The following PRELID2 variants were observed in gnomAD, a reference collection of about 807,000 sequenced individuals.
PRELID2 encodes PRELI domain-containing protein 2.
A neutral mutation model predicts 28.4 loss-of-function variants in PRELID2; 25 were observed. That is an observed-to-expected ratio of 0.88 (90% CI 0.64 to 1.23). The LOEUF (loss-of-function observed/expected upper bound fraction) is 1.23, where lower values mean the gene tolerates loss of function less well. Ranked by LOEUF, PRELID2 falls within the 50% of genes most tolerant of loss-of-function variation. The pLI is 0.00. For synonymous variants in PRELID2, 76 were observed against 71.6 expected (o/e 1.06, Z -0.31); for missense variants, 201 against 214.4 (o/e 0.94, Z 0.39).
In PRELID2 at chr5:145,705,939, TACACACAC is replaced by T. The variant is rs61283424; in HGVS notation, n.70+58984_70+58991del. On this transcript the variant is annotated intron_variant and non_coding_transcript_variant, in intron 1 of 2. Transcript: ENST00000510259. ...CACCACCCATGCACACATGTGCGCC[TACACACAC>T]ACACACACACACACACACACACACT... Among the ~76,000 whole-genome samples, 37 of 145,602 alleles carry T rather than the reference TACACACAC, an allele frequency of 2.5e-4. No individual in the cohort carries two copies. In the East Asian group the frequency reaches 2.6e-3, roughly 10 times the overall value.
At chr5:145,600,837 A>G (rs1299337257) in intron 1 of PRELID2, among the ~76,000 whole-genome samples, 7 of 152,172 alleles carry the variant, frequency 4.6e-5, no homozygotes, top group Admixed American at 2.6e-4. Flanking sequence ...AAATGTTTAA[A>G]GAAACAAAAA....
downstream of PRELID2, among the ~76,000 whole-genome samples, chr5:145,752,450 G>T (rs1426285774): frequency 6.6e-6 from 1 of 152,154 alleles, no homozygotes; most frequent in Admixed American, 6.5e-5. Flanking sequence ...AGGTCTTTAT[G>T]TCCAATCACC....
intron 1 of PRELID2, among the ~76,000 whole-genome samples, chr5:145,740,314 AT>A (rs1756631163): frequency 5.7e-5 from 6 of 105,914 alleles, no homozygotes; most frequent in Non-Finnish European, 9.4e-5. Context: ...ATATATATAT[AT>A]ATATAAATCC....
intron 1 of PRELID2, among the ~76,000 whole-genome samples, chr5:145,491,715 C>G (rs945084958): frequency 2.0e-5 from 3 of 151,854 alleles, no homozygotes; most frequent in African/African-American, 7.3e-5. Context: ...CCCAGTACCC[C>G]CTGACCCTGG....
chr5:145,731,191 G>A (rs1268564785), intron 1 of PRELID2, among the ~76,000 whole-genome samples: 1 of 152,168 alleles, frequency 6.6e-6, no homozygotes, highest in African/African-American at 2.4e-5. Flanking sequence ...ATTTCACAGG[G>A]GAAATTATCT....
At chr5:145,351,592 CT>C in the PRELID2 span, among the ~76,000 whole-genome samples, 1 of 152,050 alleles carries the variant, frequency 6.6e-6, no homozygotes, top group Non-Finnish European at 1.5e-5. Context: ...TTATTCCACC[CT>C]TTTCCCCTCC....
At chr5:145,817,220 A>ATATATATATATATATATAT (rs1265574987) in intron 4 of PRELID2, among the ~76,000 whole-genome samples, 17 of 66,498 alleles carry the variant, frequency 2.6e-4, no homozygotes, top group African/African-American at 6.5e-4. Context: ...AATAAAAAAA[A>ATATATATATATATATATAT]ATATATATAT....
chr5:145,405,811 A>G, the PRELID2 span, among the ~76,000 whole-genome samples: 7,890 of 149,800 alleles, frequency 0.053, 299 homozygotes, highest in East Asian at 0.12. Context: ...GTTCATGCCA[A>G]TCTCCTGACT....
At chr5:145,699,688 C>G (rs1039796862) in intron 1 of PRELID2, among the ~76,000 whole-genome samples, 1 of 152,136 alleles carries the variant, frequency 6.6e-6, no homozygotes, top group Non-Finnish European at 1.5e-5. Flanking sequence ...ATTTCCAAAT[C>G]CAAAGAGAAG....
chr5:145,717,036 A>T (rs999629483), intron 1 of PRELID2, among the ~76,000 whole-genome samples: 8 of 152,182 alleles, frequency 5.3e-5, no homozygotes, highest in Non-Finnish European at 8.8e-5. Flanking sequence ...TACTGCTATT[A>T]AAAATAAGTA....
intron 1 of PRELID2, among the ~76,000 whole-genome samples, chr5:145,623,928 A>G (rs1223101715): frequency 6.6e-6 from 1 of 152,158 alleles, no homozygotes; most frequent in Admixed American, 6.6e-5. Flanking sequence ...GACTGCCTTC[A>G]TTTCAGATGC....
rs573680608 is a variant in PRELID2, at chr5:145,792,741, A to G, written c.474+3701T>C. Among the ~76,000 whole-genome samples the G allele has an allele frequency of 3.9e-5, 6 of 152,356 alleles. No homozygotes were observed. In the South Asian group the frequency reaches 1.2e-3, roughly 32 times the overall value. ...TTGAGGGAGAGAAAAAAAAACATAT[A>G]ACCATAAAAAGAAAATATGTTAAAG... On this transcript the variant is annotated intron_variant, in intron 5 of 6. Transcript: ENST00000683046.
chr5:145,387,936 C>CAAAAAAAAAAAAAAAAAAACA, the PRELID2 span, among the ~76,000 whole-genome samples: 1 of 111,050 alleles, frequency 9.0e-6, no homozygotes, highest in Non-Finnish European at 1.9e-5. Context: ...AAGACAGAAC[C>CAAAAAAAAAAAAAAAAAAACA]AAAAAAAAAA....
chr5:145,683,346 A>G (rs895478447), intron 1 of PRELID2, among the ~76,000 whole-genome samples: 11 of 152,200 alleles, frequency 7.2e-5, no homozygotes, highest in African/African-American at 2.7e-4. Flanking sequence ...ATTGAACATG[A>G]TAGTCCAAAA....
At chr5:145,372,988 A>T in the PRELID2 span, among the ~76,000 whole-genome samples, 1 of 104,094 alleles carries the variant, frequency 9.6e-6, no homozygotes, top group African/African-American at 3.9e-5. Context: ...ATATGATATT[A>T]TATATTACAA....
chr5:145,534,470 T>G (rs991689736), intron 1 of PRELID2, among the ~76,000 whole-genome samples: 2 of 152,010 alleles, frequency 1.3e-5, no homozygotes, highest in African/African-American at 4.8e-5. Flanking sequence ...CACAAATTAT[T>G]TGATCACAGA....
chr5:145,284,491 C>A, the PRELID2 span, among the ~76,000 whole-genome samples: 1 of 152,156 alleles, frequency 6.6e-6, no homozygotes, highest in African/African-American at 2.4e-5. Context: ...AAGATGATTA[C>A]AAACTCAAGA....
chr5:145,767,601 C>T (rs564210854), intron 5 of PRELID2, among the ~76,000 whole-genome samples: 12 of 152,280 alleles, frequency 7.9e-5, no homozygotes, highest in Non-Finnish European at 1.2e-4. Flanking sequence ...TCCATAGGCC[C>T]GCACAGAGTT....
At chr5:145,680,475 T>C (rs2149688536) in intron 1 of PRELID2, among the ~76,000 whole-genome samples, 1 of 152,250 alleles carries the variant, frequency 6.6e-6, no homozygotes, top group East Asian at 1.9e-4. Flanking sequence ...GCAGTAGAAT[T>C]GGGATCCAGT....
Sources: gnomAD v4.1 joint callset for allele counts (sites outside exome capture counted in the v4.1 genomes callset) on GRCh38, gnomAD v4.1.1 for gene constraint, MANE v1.5 for transcripts, NCBI Gene and HGNC (gene_info 2026-07-23, HGNC 2026-07-21) for gene names.